NOC3L: variants seen among roughly 807,000 people sequenced by gnomAD.
NOC3L encodes NOC3 like DNA replication regulator.
NOC3L carries 85 observed loss-of-function variants against 102.5 expected under a neutral mutation model. The ratio of observed to expected loss-of-function variants is 0.83; its 90% confidence interval spans 0.70 to 0.99. The LOEUF is 0.99. NOC3L is among the 50% of genes least tolerant of loss of function. The pLI is 0.00. For missense variants in NOC3L, 878 were observed against 914.9 expected (o/e 0.96, Z 0.52); for synonymous variants, 303 against 309.4 (o/e 0.98, Z 0.22).
At chr10:94,341,879 T>C in intron 13 of NOC3L, 134 bp from the exon 14 acceptor site, 2 of 502,172 alleles carry the variant, frequency 4.0e-6, no homozygotes, top group Non-Finnish European at 7.0e-6. Context: ...ATGGCAATTA[T>C]TGATACTTTT....
intron 14 of NOC3L, 77 bp from the exon 15 acceptor site, chr10:94,340,573 A>C (rs2054271317): frequency 2.0e-5 from 25 of 1,262,414 alleles, no homozygotes; most frequent in Non-Finnish European, 2.7e-5. Flanking sequence ...TTAAAAAAGA[A>C]CTTTAAGGCC....
At chr10:94,339,692 C>T in intron 17 of NOC3L, 47 bp downstream of exon 17, 1 of 1,462,282 alleles carries the variant, frequency 6.8e-7, no homozygotes, top group Non-Finnish European at 9.3e-7. Context: ...CAAAAAAAAT[C>T]ATTGCATTAT....
the NOC3L span, chr10:94,321,766 A>G: frequency 4.1e-5 from 27 of 665,514 alleles, no homozygotes; most frequent in Non-Finnish European, 6.3e-5. Flanking sequence ...TTATGAAATA[A>G]TAACATAGTA....
At chr10:94,350,734 A>G (rs2054405840) in intron 8 of NOC3L, among the ~76,000 whole-genome samples, 1 of 144,430 alleles carries the variant, frequency 6.9e-6, no homozygotes, top group South Asian at 2.1e-4. Flanking sequence ...AAAAAAAAAA[A>G]GAAGAAGAAA....
chr10:94,324,423 G>A, the NOC3L span: 1 of 1,614,176 alleles, frequency 6.2e-7, no homozygotes, highest in East Asian at 2.2e-5. Flanking sequence ...TTTTGGAAGA[G>A]GTGGTGAAAG....
Position 94,350,293 on chromosome 10 carries a change from T to C in NOC3L, c.953-5A>G. 1 of 1,613,486 alleles carries C rather than the reference T, an allele frequency of 6.2e-7. No homozygotes were observed. Among genetic ancestry groups the C allele is most frequent in the Non-Finnish European group, 8.5e-7 (1 of 1,179,496 alleles). The stretch of plus-strand genomic sequence containing the variant: ...TCAGCTTCCTCTGCTTCCAATCTAA[T>C]CAAAAGATAACTGTAGTTACTTTAC... On this transcript the variant is annotated splice_polypyrimidine_tract_variant and splice_region_variant and intron_variant, in intron 8 of 20. Transcript: ENST00000371361.
the NOC3L span, chr10:94,325,635 CTT>C: frequency 4.9e-3 from 739 of 151,164 alleles, 3 homozygotes; most frequent in African/African-American, 0.017. Flanking sequence ...ATATATGTAA[CTT>C]GAGCTTTTGT....
At chr10:94,348,156 T>C (rs1004024056) in intron 10 of NOC3L, among the ~76,000 whole-genome samples, 6 of 149,416 alleles carry the variant, frequency 4.0e-5, no homozygotes, top group Admixed American at 6.7e-5. Context: ...TTAAACTATA[T>C]AAAATATATA....
intron 2 of NOC3L, among the ~76,000 whole-genome samples, chr10:94,359,937 T>C (rs2134014580): frequency 6.6e-6 from 1 of 152,290 alleles, no homozygotes; most frequent in Non-Finnish European, 1.5e-5. Context: ...ACCGAACAGA[T>C]ATCTGCACTC....
intron 19 of NOC3L, among the ~76,000 whole-genome samples, chr10:94,335,036 T>C (rs1268307071): frequency 6.6e-6 from 1 of 152,236 alleles, no homozygotes; most frequent in Admixed American, 6.5e-5. Context: ...AAGTATATCT[T>C]AGTCATGGGA....
intron 8 of NOC3L, among the ~76,000 whole-genome samples, chr10:94,350,716 CAAAAA>C (rs201167962): frequency 1.6e-5 from 1 of 62,622 alleles, no homozygotes; most frequent in Non-Finnish European, 3.4e-5. Flanking sequence ...GACATCGTCT[CAAAAA>C]AAAAAAAAAA....
chr10:94,338,307 C>A (rs921939818), intron 18 of NOC3L, among the ~76,000 whole-genome samples: 34 of 152,126 alleles, frequency 2.2e-4, no homozygotes, highest in Non-Finnish European at 1.6e-4. Context: ...TACCTGATAA[C>A]AAATCCTCTG....
chr10:94,355,524 G>A (rs1385651888), intron 5 of NOC3L, among the ~76,000 whole-genome samples: 1 of 151,656 alleles, frequency 6.6e-6, no homozygotes, highest in Non-Finnish European at 1.5e-5. Context: ...CCCAGTAGCT[G>A]AGACCATAGG....
chr10:94,350,004 T>G, intron 9 of NOC3L, 109 bp downstream of exon 9: 1 of 933,062 alleles, frequency 1.1e-6, no homozygotes, highest in South Asian at 1.6e-5. Flanking sequence ...GTGATCTGCC[T>G]GCCTCGGCCT....
chr10:94,362,692 T>C, intron 1 of NOC3L, 138 bp downstream of exon 1: 1 of 866,190 alleles, frequency 1.2e-6, no homozygotes, highest in Admixed American at 1.9e-5. Context: ...GAGCTCGGTG[T>C]AAGGAATGGA....
At chr10:94,335,411 G>C (rs2054207210) in intron 19 of NOC3L, among the ~76,000 whole-genome samples, 1 of 152,108 alleles carries the variant, frequency 6.6e-6, no homozygotes, top group Non-Finnish European at 1.5e-5. Context: ...ATTATGAAGA[G>C]TGACAAAGAA....
intron 7 of NOC3L, 45 bp from the exon 8 acceptor site, chr10:94,352,448 TAAA>T: frequency 2.3e-6 from 3 of 1,296,042 alleles, no homozygotes; most frequent in Non-Finnish European, 3.3e-6. Flanking sequence ...ATCAGAACAT[TAAA>T]AGCCCAAAAT....
chr10:94,362,911 G>A lies in NOC3L; in HGVS notation c.-73C>T. The A allele has an allele frequency of 6.2e-7, 1 of 1,612,508 alleles. No homozygotes were observed. Among genetic ancestry groups the A allele is most frequent in the Non-Finnish European group, 8.5e-7 (1 of 1,178,922 alleles). On this transcript the variant is annotated 5_prime_UTR_variant, in exon 1 of 21. Coordinates refer to ENST00000371361, the MANE Select transcript of NOC3L (RefSeq NM_022451.11). Reference sequence around the variant, plus strand: ...GGTTACTACAGAAATCCCGGGGAATGACACACGTGCCGAAGTCCCTACACT... The same window carrying A: ...GGTTACTACAGAAATCCCGGGGAATAACACACGTGCCGAAGTCCCTACACT...
rs752105648 is a variant in NOC3L, at chr10:94,355,038, T to C, written c.621A>G (p.Arg207=). The C allele has an allele frequency of 4.3e-6, 7 of 1,612,896 alleles. No individual in the cohort carries two copies. Among genetic ancestry groups the C allele is most frequent in the Non-Finnish European group, 5.1e-6 (6 of 1,179,434 alleles). ...ELTIEEHLIE[R]KKKLQEKKMH... Reference sequence around the variant, plus strand: ...TCTTCTTCTCCTGTAATTTCTTCTTTCTCTCAATCAAATGTTCTTCTATGG... The same window carrying C: ...TCTTCTTCTCCTGTAATTTCTTCTTCCTCTCAATCAAATGTTCTTCTATGG... Residue 207 remains arginine, a synonymous_variant, in exon 6 of 21, where the codon AGA becomes AGG. Coordinates refer to ENST00000371361, the MANE Select transcript of NOC3L (RefSeq NM_022451.11).
Sources: gnomAD v4.1 joint callset for allele counts (sites outside exome capture counted in the v4.1 genomes callset) on GRCh38, gnomAD v4.1.1 for gene constraint, MANE v1.5 for transcripts, NCBI Gene and HGNC (gene_info 2026-07-23, HGNC 2026-07-21) for gene names.